HYDIN: variants seen among roughly 807,000 people sequenced by gnomAD.
The protein encoded by HYDIN is axonemal central pair apparatus protein HYDIN.
In HYDIN, 132 loss-of-function variants were observed where a neutral mutation model predicts 403.9. The observed-to-expected ratio is 0.33, with a 90% CI of 0.28 to 0.38. HYDIN has a LOEUF of 0.38. HYDIN is among the 10% of genes least tolerant of loss of function. The pLI is 1.00. For missense variants in HYDIN, 2,827 were observed against 5,009.5 expected (o/e 0.56, Z 13.15); for synonymous variants, 1,202 against 1,891.7 (o/e 0.64, Z 9.46).
chr16:71,062,360 A>C (rs1463082253), intron 16 of HYDIN, 27 bp from the exon 17 acceptor site: 1 of 1,579,816 alleles, frequency 6.3e-7, no homozygotes, highest in South Asian at 1.1e-5. Context: ...CAGAGGGGTA[A>C]GGACAGCACA....
At chr16:70,908,133 G>C in intron 49 of HYDIN, 119 bp downstream of exon 49, 2 of 747,210 alleles carry the variant, frequency 2.7e-6, no homozygotes, top group Non-Finnish European at 4.3e-6. Context: ...GATATGACAA[G>C]AGGGGCTGGG....
At chr16:70,897,452 A>T (rs2076237991) in intron 53 of HYDIN, among the ~76,000 whole-genome samples, 1 of 151,872 alleles carries the variant, frequency 6.6e-6, no homozygotes, top group African/African-American at 2.4e-5. Flanking sequence ...GATGCTTGCC[A>T]ATGTTTCACA....
Position 70,806,603 on chromosome 16 carries a change from C to T in HYDIN, c.*977G>A, listed in dbSNP as rs552931025. On this transcript the variant is annotated 3_prime_UTR_variant, in exon 86 of 86. Coordinates refer to ENST00000393567, the MANE Select transcript of HYDIN (RefSeq NM_001270974.2). Reference sequence around the variant, plus strand: ...ACCATTTTTAAGACCCACTTCTTTACGGCATTCATTCCCAAGAGGCCATCT... The same window carrying T: ...ACCATTTTTAAGACCCACTTCTTTATGGCATTCATTCCCAAGAGGCCATCT... Among the ~76,000 whole-genome samples, 90 of 152,250 alleles carry T rather than the reference C, an allele frequency of 5.9e-4. No homozygotes were observed. The highest frequency in any genetic ancestry group is 1.8e-3 in the African/African-American group (75 of 41,542).
intron 18 of HYDIN, among the ~76,000 whole-genome samples, chr16:71,053,099 A>G (rs2081720067): frequency 6.6e-6 from 1 of 152,118 alleles, no homozygotes; most frequent in Non-Finnish European, 1.5e-5. Context: ...CTCAATCTCA[A>G]TAGTAATAAG....
chr16:71,049,920 G>C (rs1335566060), intron 18 of HYDIN, among the ~76,000 whole-genome samples: 1 of 144,406 alleles, frequency 6.9e-6, no homozygotes, highest in Non-Finnish European at 1.5e-5. Flanking sequence ...AACAGAGAGA[G>C]ATGAAGAGGT....
chr16:70,946,102 A>T lies in HYDIN; in HGVS notation c.6532-2153T>A, dbSNP rs2077851598. 2.1e-5 allele frequency among the ~76,000 whole-genome samples: 3 copies of T among 146,144 alleles called. No homozygotes were observed. In the Admixed American group the frequency reaches 2.1e-4, roughly 10 times the overall value. ...TGGGAGAGAGGGGACAACTGCAGGAATTTAGCCATTGGATAAGAGAAGGGG... is the reference window on the plus strand; with the variant it reads ...TGGGAGAGAGGGGACAACTGCAGGATTTTAGCCATTGGATAAGAGAAGGGG... On this transcript the variant is annotated intron_variant, in intron 41 of 85. Coordinates refer to ENST00000393567, the MANE Select transcript of HYDIN (RefSeq NM_001270974.2).
intron 45 of HYDIN, among the ~76,000 whole-genome samples, chr16:70,923,725 G>T (rs1465795588): frequency 5.4e-5 from 8 of 148,484 alleles, no homozygotes; most frequent in African/African-American, 2.0e-4. Flanking sequence ...GGAGGCTGAA[G>T]CAGGAGAATG....
intron 2 of HYDIN, among the ~76,000 whole-genome samples, chr16:71,185,348 T>C (rs2087095002): frequency 6.6e-6 from 1 of 152,206 alleles, no homozygotes; most frequent in Non-Finnish European, 1.5e-5. Flanking sequence ...TCTCAGTTTG[T>C]AAAGTCACTC....
chr16:70,928,118 AATTG>A (rs2077208340), intron 45 of HYDIN, among the ~76,000 whole-genome samples: 3 of 152,240 alleles, frequency 2.0e-5, no homozygotes, highest in Admixed American at 2.0e-4. Flanking sequence ...AATAAATGCA[AATTG>A]ATTGTTTTAA....
At chr16:71,109,037 C>T (rs536039252) in intron 10 of HYDIN, among the ~76,000 whole-genome samples, 3 of 151,754 alleles carry the variant, frequency 2.0e-5, no homozygotes, top group Non-Finnish European at 4.4e-5. Context: ...GATAGTCTCC[C>T]TATCTTAAAG....
intron 40 of HYDIN, among the ~76,000 whole-genome samples, chr16:70,954,949 T>G (rs1305723591): frequency 2.0e-5 from 3 of 152,174 alleles, no homozygotes; most frequent in Non-Finnish European, 4.4e-5. Flanking sequence ...CCTACTAATA[T>G]TCTCTTGCTT....
chr16:71,044,876 T>C (rs1210392423), intron 18 of HYDIN, among the ~76,000 whole-genome samples: 2 of 150,792 alleles, frequency 1.3e-5, no homozygotes, highest in Non-Finnish European at 3.0e-5. Context: ...CTTTGAGGCC[T>C]AGAATAAAGT....
intron 18 of HYDIN, among the ~76,000 whole-genome samples, chr16:71,059,422 C>G (rs1232377666): frequency 6.6e-6 from 1 of 152,178 alleles, no homozygotes; most frequent in Non-Finnish European, 1.5e-5. Context: ...CTTTTGTCAA[C>G]TTTGTAAAAG....
chr16:71,053,579 A>G (rs2081741957), intron 18 of HYDIN, among the ~76,000 whole-genome samples: 1 of 151,240 alleles, frequency 6.6e-6, no homozygotes, highest in Non-Finnish European at 1.5e-5. Flanking sequence ...ATACAGTGAT[A>G]TGATTTATAT....
rs74024486 is a variant in HYDIN, at chr16:70,868,583, G to A, written c.11297C>T (p.Thr3766Ile). ...DVPRNMPGTFTTKRKVIETDP... is the reference protein window; with the variant it reads ...DVPRNMPGTFITKRKVIETDP... ...GTCCCCACTTACTTTTCGTTTTGTAGTGAAAGTCCCAGGCATGTTTCTGGG... is the reference window on the plus strand; with the variant it reads ...GTCCCCACTTACTTTTCGTTTTGTAATGAAAGTCCCAGGCATGTTTCTGGG... The change falls in exon 66 of 86, where the codon ACT becomes ATT. Residue 3766 changes from threonine (T) to isoleucine (I), a missense_variant. Coordinates refer to ENST00000393567, the MANE Select transcript of HYDIN (RefSeq NM_001270974.2). 6.2e-7 allele frequency: 1 copy of A among 1,611,512 alleles called. No homozygotes were observed. The highest frequency in any genetic ancestry group is 1.3e-5 in the African/African-American group (1 of 74,654).
At chr16:70,856,636 T>C (rs1277657208) in intron 72 of HYDIN, among the ~76,000 whole-genome samples, 1 of 152,124 alleles carries the variant, frequency 6.6e-6, no homozygotes, top group Non-Finnish European at 1.5e-5. Context: ...TGGTTGTTCT[T>C]CTTTAATCTA....
chr16:70,810,178 A>ACCTC (rs1231880716), intron 84 of HYDIN, among the ~76,000 whole-genome samples, 171 bp from the exon 85 acceptor site: 1 of 151,982 alleles, frequency 6.6e-6, no homozygotes, highest in Non-Finnish European at 1.5e-5. Flanking sequence ...TCTCCCCTGT[A>ACCTC]CCTCTCCTAG....
intron 69 of HYDIN, 40 bp from the exon 70 acceptor site, chr16:70,860,941 A>C (rs1375088551): frequency 8.0e-6 from 6 of 751,336 alleles, no homozygotes; most frequent in Admixed American, 2.2e-5. Flanking sequence ...TTATTTTGTC[A>C]TCAGTTGTTG....
intron 2 of HYDIN, among the ~76,000 whole-genome samples, chr16:71,185,339 C>T (rs1755191270): frequency 6.6e-6 from 1 of 152,156 alleles, no homozygotes; most frequent in South Asian, 2.1e-4. Flanking sequence ...GCATAAAACT[C>T]TCAGTTTGTA....
Sources: allele counts gnomAD v4.1 joint callset (sites outside exome capture counted in the v4.1 genomes callset), GRCh38; gene constraint gnomAD v4.1.1; transcripts MANE v1.5; gene names NCBI Gene and HGNC (gene_info 2026-07-23, HGNC 2026-07-21).